Variants in WBP2 observed in about 807,000 individuals in gnomAD.
WBP2 encodes the protein WW domain-binding protein 2.
Under a neutral mutation model 33.0 loss-of-function variants are expected in WBP2, and 23 were observed. The observed-to-expected ratio is 0.70, with a 90% CI of 0.50 to 0.99. WBP2 has a LOEUF of 0.99. Ranked by LOEUF, WBP2 falls within the 50% of genes least tolerant of loss-of-function variation. WBP2 has a pLI of 0.00. For synonymous variants in WBP2, 153 were observed against 133.5 expected (o/e 1.15, Z -1.01); for missense variants, 353 against 358.0 (o/e 0.99, Z 0.11).
At chr17:75,854,801 C>CGAAA (rs2065047675) in intron 1 of WBP2, among the ~76,000 whole-genome samples, 1 of 152,158 alleles carries the variant, frequency 6.6e-6, no homozygotes. Context: ...CTCCACTTTC[C>CGAAA]CTACCTGTGA....
chr17:75,855,481 G>T (rs1031017603), upstream of WBP2: 3 of 626,780 alleles, frequency 4.8e-6, no homozygotes, highest in African/African-American at 3.7e-5. Context: ...TTCCTCCTGC[G>T]CAACAAACAA....
chr17:75,847,729 C>A, intron 5 of WBP2, 67 bp downstream of exon 5: 1 of 1,545,634 alleles, frequency 6.5e-7, no homozygotes, highest in Non-Finnish European at 8.8e-7. Flanking sequence ...TAAAGTCTCC[C>A]TGGCCTGGGG....
At position 75,846,380 on chromosome 17, in the gene WBP2, T is replaced by C; in HGVS notation, c.*354A>G. ...TCATGAGGCTGAGTGTAGCAGTGGG[T>C]GCCAGACTGAGGGAGCTGGACTGCG... On this transcript the variant is annotated 3_prime_UTR_variant, in exon 8 of 8. Coordinates refer to ENST00000254806, the MANE Select transcript of WBP2 (RefSeq NM_012478.4). This position sits in a 1 kb window ranked among gnomAD's most constrained non-coding sequence, Gnocchi z 4.8. The C allele has an allele frequency of 8.2e-6, 3 of 365,860 alleles. No individual in the cohort carries two copies. The highest frequency in any genetic ancestry group is 4.7e-5 in the South Asian group (2 of 42,614). 22.7% of individuals were successfully genotyped at this position (365,860 alleles called of 1,614,324 possible).
chr17:75,846,574 C>T lies in WBP2; in HGVS notation c.*160G>A, dbSNP rs1030736735. The T allele has an allele frequency of 4.2e-5, 41 of 968,838 alleles. No homozygotes were observed. The Middle Eastern group carries it at 8.7e-4, about 21-fold the overall frequency. The allele number at this position is 968,838 out of a possible 1,614,324, so 60.0% of individuals were successfully genotyped here. On this transcript the variant is annotated 3_prime_UTR_variant, in exon 8 of 8. Coordinates refer to ENST00000254806, the MANE Select transcript of WBP2 (RefSeq NM_012478.4). This position sits in a 1 kb window ranked among gnomAD's most constrained non-coding sequence, Gnocchi z 4.8. ...AGCTGGGCGGCACCTCTCCCGAGGC[C>T]GGGGGCCCTAATGTCCCACAATGCT...
chr17:75,855,336 G>C (rs2065052463), upstream of WBP2: 1 of 1,607,990 alleles, frequency 6.2e-7, no homozygotes, highest in South Asian at 1.1e-5. Flanking sequence ...AAAACGCAAT[G>C]AGCTTGCGCC....
intron 2 of WBP2, 47 bp from the exon 3 acceptor site, chr17:75,849,786 C>A: frequency 6.2e-7 from 1 of 1,603,050 alleles, no homozygotes; most frequent in East Asian, 2.2e-5. Context: ...GCACAGCCCA[C>A]GCTGCCATGC....
chr17:75,854,117 A>G (rs1391437471), intron 1 of WBP2, among the ~76,000 whole-genome samples: 5 of 151,184 alleles, frequency 3.3e-5, no homozygotes, highest in Non-Finnish European at 5.9e-5. Context: ...TACCAGCAAC[A>G]GGCTGGGCCC....
chr17:75,855,921 A>G (rs1307925515), upstream of WBP2, among the ~76,000 whole-genome samples: 3 of 152,168 alleles, frequency 2.0e-5, no homozygotes, highest in East Asian at 1.9e-4. Flanking sequence ...CCCGCCATCC[A>G]TCTCACCACT....
At chr17:75,847,774 G>C (rs770481902) in intron 5 of WBP2, 22 bp downstream of exon 5, 2 of 1,544,884 alleles carry the variant, frequency 1.3e-6, no homozygotes, top group Non-Finnish European at 1.8e-6. Flanking sequence ...AGGGGAGTGG[G>C]GGCAGCAAAG....
rs1433493745 is a variant in WBP2, at chr17:75,847,061, A to C, written c.656-77T>G. 3.9e-6 allele frequency: 6 copies of C among 1,532,450 alleles called. No homozygotes were observed. In the South Asian group the frequency reaches 4.6e-5, roughly 12 times the overall value. The allele number at this position is 1,532,450 out of a possible 1,614,324, so 94.9% of individuals were successfully genotyped here. A position where few individuals can be genotyped will look rare whatever the true frequency, so the allele number is the denominator to read the frequency against. ...CTCAGCTAAGAGACCCCGGGCCCCCATGGCTCGGGGCAGCTGGTGCTGGGG... is the reference window on the plus strand; with the variant it reads ...CTCAGCTAAGAGACCCCGGGCCCCCCTGGCTCGGGGCAGCTGGTGCTGGGG... On this transcript the variant is annotated intron_variant, in intron 6 of 7. Transcript: ENST00000254806.
At chr17:75,848,114 C>T (rs1330344715) in intron 4 of WBP2, 184 bp from the exon 5 acceptor site, 26 of 796,862 alleles carry the variant, frequency 3.3e-5, no homozygotes, top group African/African-American at 1.0e-4. Flanking sequence ...TGAGAGAGGA[C>T]GGGAGAGGTC....
Position 75,851,557 on chromosome 17 carries a change from G to A in WBP2, c.168+11C>T. The A allele has an allele frequency of 1.2e-6, 2 of 1,603,526 alleles. No homozygotes were observed. The highest frequency in any genetic ancestry group is 1.7e-6 in the Non-Finnish European group (2 of 1,170,666). ...AAGCCTCTCAACCAACTGCCCTGCTGTGCAACTCACCCGGTAAGGGGTAAG... is the reference window on the plus strand; with the variant it reads ...AAGCCTCTCAACCAACTGCCCTGCTATGCAACTCACCCGGTAAGGGGTAAG... On this transcript the variant is annotated intron_variant, in intron 2 of 7. Transcript: ENST00000254806.
At chr17:75,848,176 A>T in intron 4 of WBP2, 1 of 606,058 alleles carries the variant, frequency 1.7e-6, no homozygotes, top group Non-Finnish European at 2.9e-6. Flanking sequence ...GGGTGGACAG[A>T]GGCCGGGAGG....
chr17:75,853,484 T>A (rs560981497), intron 1 of WBP2, among the ~76,000 whole-genome samples: 59 of 152,234 alleles, frequency 3.9e-4, no homozygotes, highest in African/African-American at 1.3e-3. Flanking sequence ...CTAAGCCAGG[T>A]AGAAGGCCGA....
chr17:75,848,557 G>A lies in WBP2; in HGVS notation c.397+13C>T, dbSNP rs749419132. On this transcript the variant is annotated intron_variant, in intron 4 of 7. Coordinates refer to ENST00000254806, the MANE Select transcript of WBP2 (RefSeq NM_012478.4). ...AGTGTGTCTTTAGCCCCTAATCTTC[G>A]GAGCCTGGATACCTTGAGATGCCAC... 39 of 1,612,412 alleles carry A rather than the reference G, an allele frequency of 2.4e-5. No homozygotes were observed. The highest frequency in any genetic ancestry group is 2.0e-4 in the Admixed American group (12 of 59,946).
In WBP2 at chr17:75,848,580, C is replaced by T. The variant is rs368125716; in HGVS notation, c.387G>A (p.Val129=). The T allele has an allele frequency of 1.1e-4, 179 of 1,613,770 alleles. No individual in the cohort carries two copies. The highest frequency in any genetic ancestry group is 1.5e-4 in the Non-Finnish European group (175 of 1,179,886). ...TCGGAGCCTGGATACCTTGAGATGC[C>T]ACCTGGAGCATCCGCTGTCCGAACT... The part of the protein sequence containing the change: ...AIEFGQRMLQ[V]ASQASRGEVP... Residue 129 remains valine, a synonymous_variant, in exon 4 of 8, where the codon GTG becomes GTA. Coordinates refer to ENST00000254806, the MANE Select transcript of WBP2 (RefSeq NM_012478.4).
rs1567826706 is a variant in WBP2, at chr17:75,850,079, G to A, written c.169-340C>T. Among the ~76,000 whole-genome samples, 4 of 152,158 alleles carry A rather than the reference G, an allele frequency of 2.6e-5. No homozygotes were observed. The South Asian group carries it at 8.3e-4, about 32-fold the overall frequency. On this transcript the variant is annotated intron_variant, in intron 2 of 7. Coordinates refer to ENST00000254806, the MANE Select transcript of WBP2 (RefSeq NM_012478.4). ...CTAGGGAAGGACAGGCAGAGGCAAG[G>A]CAGGGATGGGTTCCTGAAAGAGGGG...
intron 1 of WBP2, 147 bp downstream of exon 1, chr17:75,855,092 T>TC: frequency 2.3e-5 from 3 of 131,172 alleles, no homozygotes; most frequent in Admixed American, 7.6e-5. Context: ...CCCACCTTCC[T>TC]CCAACCCCGC....
At chr17:75,855,210 C>A in intron 1 of WBP2, 29 bp downstream of exon 1, 1 of 1,309,736 alleles carries the variant, frequency 7.6e-7, no homozygotes, top group Non-Finnish European at 1.0e-6. Context: ...GAACTTTGGT[C>A]CTCCAGGATC....
Sources: allele counts gnomAD v4.1 joint callset (sites outside exome capture counted in the v4.1 genomes callset), GRCh38; gene constraint gnomAD v4.1.1; non-coding constraint Gnocchi (gnomAD v3.1); transcripts MANE v1.5; gene names NCBI Gene and HGNC (gene_info 2026-07-23, HGNC 2026-07-21).